The following LRGUK variants were observed in gnomAD, a reference collection of about 807,000 sequenced individuals.
LRGUK encodes the protein leucine rich repeats and guanylate kinase domain containing.
In LRGUK, 65 loss-of-function variants were observed where a neutral mutation model predicts 76.0. The ratio of observed to expected loss-of-function variants is 0.85; its 90% confidence interval spans 0.70 to 1.05. The LOEUF (loss-of-function observed/expected upper bound fraction) is 1.05, where lower values mean the gene tolerates loss of function less well. Ranked by LOEUF, LRGUK falls within the 50% of genes least tolerant of loss-of-function variation. The pLI is 0.00. For synonymous variants in LRGUK, 268 were observed against 265.6 expected (o/e 1.01, Z -0.09); for missense variants, 758 against 732.8 (o/e 1.03, Z -0.40).
intron 15 of LRGUK, among the ~76,000 whole-genome samples, chr7:134,205,052 T>C (rs1360402593): frequency 3.3e-5 from 5 of 152,186 alleles, no homozygotes; most frequent in African/African-American, 1.2e-4. Flanking sequence ...AAGGACAAAG[T>C]GTCCACAGCA....
chr7:134,270,871 T>C, the LRGUK span, among the ~76,000 whole-genome samples: 18 of 152,170 alleles, frequency 1.2e-4, no homozygotes, highest in African/African-American at 4.3e-4. Context: ...GTGTTATAGG[T>C]ATACAAATAT....
chr7:134,211,361 A>G (rs2117128968), downstream of LRGUK, among the ~76,000 whole-genome samples: 1 of 152,332 alleles, frequency 6.6e-6, no homozygotes, highest in Non-Finnish European at 1.5e-5. Flanking sequence ...TCTTCTCTTC[A>G]TAAGGAAAAT....
In LRGUK at chr7:134,137,011, G is replaced by A. The variant is rs1797567097; in HGVS notation, c.298-12G>A. 1 of 1,593,914 alleles carries A rather than the reference G, an allele frequency of 6.3e-7. No homozygotes were observed. Among genetic ancestry groups the A allele is most frequent in the Non-Finnish European group, 8.6e-7 (1 of 1,163,264 alleles). Reference sequence around the variant, plus strand: ...AATCTTTTCTTTGTCTACCTTTCTGGGTTTTTTACAGGAGGAATTTGATGG... The same window carrying A: ...AATCTTTTCTTTGTCTACCTTTCTGAGTTTTTTACAGGAGGAATTTGATGG... On this transcript the variant is annotated splice_polypyrimidine_tract_variant and intron_variant, in intron 1 of 15. Transcript: ENST00000645682.
chr7:134,232,784 G>T (rs1801932924), intron 16 of LRGUK, among the ~76,000 whole-genome samples: 1 of 151,932 alleles, frequency 6.6e-6, no homozygotes. Context: ...TATGAATTTA[G>T]ATAATTTAAT....
chr7:134,174,791 A>T (rs1408326032), intron 8 of LRGUK, among the ~76,000 whole-genome samples, 155 bp downstream of exon 8: 1 of 152,214 alleles, frequency 6.6e-6, no homozygotes, highest in Non-Finnish European at 1.5e-5. Context: ...GGAAGGGTTT[A>T]GTAGTACCTA....
chr7:134,252,112 T>G (rs1259478500), intron 18 of LRGUK, among the ~76,000 whole-genome samples: 1 of 151,842 alleles, frequency 6.6e-6, no homozygotes, highest in Non-Finnish European at 1.5e-5. Context: ...GGTAGAAGGA[T>G]TGGATCATTT....
At chr7:134,236,823 C>A (rs1802027761) in intron 16 of LRGUK, among the ~76,000 whole-genome samples, 1 of 152,064 alleles carries the variant, frequency 6.6e-6, no homozygotes, top group South Asian at 2.1e-4. Context: ...GGATTTGTAG[C>A]CAGAAATTTA....
At chr7:134,162,345 C>G (rs537666669) in intron 6 of LRGUK, among the ~76,000 whole-genome samples, 13 of 152,242 alleles carry the variant, frequency 8.5e-5, no homozygotes, top group Non-Finnish European at 1.9e-4. Context: ...TGTGACATTT[C>G]CTTTTCCATA....
intron 16 of LRGUK, among the ~76,000 whole-genome samples, chr7:134,246,667 G>T (rs1802309750): frequency 6.6e-6 from 1 of 152,174 alleles, no homozygotes; most frequent in Admixed American, 6.5e-5. Flanking sequence ...AATCAAAACA[G>T]CAAGGCTTAT....
At chr7:134,236,844 G>A (rs1175076603) in intron 16 of LRGUK, among the ~76,000 whole-genome samples, 1 of 152,106 alleles carries the variant, frequency 6.6e-6, no homozygotes, top group Non-Finnish European at 1.5e-5. Context: ...AAAGAAGCTA[G>A]CAGAAGAAAT....
intron 8 of LRGUK, 110 bp downstream of exon 8, chr7:134,174,746 T>A (rs1343564685): frequency 5.6e-6 from 4 of 717,442 alleles, no homozygotes; most frequent in Non-Finnish European, 9.9e-6. Context: ...ATATCAGGAA[T>A]GTGAATAGAG....
intron 18 of LRGUK, among the ~76,000 whole-genome samples, chr7:134,250,092 C>T (rs1303036378): frequency 2.0e-5 from 3 of 152,134 alleles, no homozygotes; most frequent in East Asian, 1.9e-4. Context: ...ATGGCAGTCT[C>T]TGTGGAGCAT....
intron 6 of LRGUK, among the ~76,000 whole-genome samples, chr7:134,160,652 C>G (rs769943499): frequency 3.0e-4 from 46 of 152,294 alleles, no homozygotes; most frequent in Non-Finnish European, 5.6e-4. Flanking sequence ...ATGTGGTTCA[C>G]TAATGGGCTG....
intron 19 of LRGUK, among the ~76,000 whole-genome samples, chr7:134,263,411 G>GTT (rs1802787078): frequency 6.6e-6 from 1 of 150,960 alleles, no homozygotes; most frequent in East Asian, 2.0e-4. Context: ...CACTGTGTGT[G>GTT]TGTGTGTCTG....
At chr7:134,133,757 A>C (rs561031677) in intron 1 of LRGUK, among the ~76,000 whole-genome samples, 1 of 152,190 alleles carries the variant, frequency 6.6e-6, no homozygotes, top group South Asian at 2.1e-4. Context: ...GAAGATAGAG[A>C]GAAATTGAAA....
At chr7:134,193,035 T>G (rs1447187106) in intron 12 of LRGUK, among the ~76,000 whole-genome samples, 1 of 152,214 alleles carries the variant, frequency 6.6e-6, no homozygotes, top group East Asian at 1.9e-4. Context: ...CTTTGCAGTT[T>G]CTATGAGTTT....
Position 134,158,027 on chromosome 7 carries a change from G to A in LRGUK, c.671-8G>A. 6.2e-7 allele frequency: 1 copy of A among 1,607,466 alleles called. No individual in the cohort carries two copies. ...AACATTTTCCTTAAACGTAGTCATG[G>A]TGTATAGGCAATGAGATAGAAGAAA... is the stretch of plus-strand genomic sequence containing the variant. On this transcript the variant is annotated splice_region_variant and splice_polypyrimidine_tract_variant and intron_variant, in intron 5 of 15. Coordinates refer to ENST00000645682, the Ensembl canonical transcript of LRGUK.
chr7:134,158,078 C>A, exon 6 of LRGUK: 1 of 1,612,366 alleles, frequency 6.2e-7, no homozygotes, highest in Non-Finnish European at 8.5e-7. Flanking sequence ...TGTGCAACAA[C>A]CTAATTCACC....
Position 134,148,243 on chromosome 7 carries a change from G to A in LRGUK, c.594G>A (p.Ala198=), listed in dbSNP as rs148613691. 1.4e-4 allele frequency: 222 copies of A among 1,599,772 alleles called. 2 individuals are homozygous for A. In the South Asian group the frequency reaches 2.2e-3, roughly 16 times the overall value. Residue 198 remains alanine (A), a synonymous_variant, in exon 5 of 16, where the codon GCG becomes GCA. Coordinates refer to ENST00000645682, the Ensembl canonical transcript of LRGUK. ...TGTTCTCTTTCTCTTGCCAGAAGGC[G>A]GATTTTTCCCACAACCAAATTTCTG...
Sources: allele counts gnomAD v4.1 joint callset (sites outside exome capture counted in the v4.1 genomes callset), GRCh38; gene constraint gnomAD v4.1.1; transcripts MANE v1.5; gene names NCBI Gene and HGNC (gene_info 2026-07-23, HGNC 2026-07-21).